The following IBTK variants were observed in gnomAD, a reference collection of about 807,000 sequenced individuals.
IBTK encodes inhibitor of Bruton tyrosine kinase.
In IBTK, 83 loss-of-function variants were observed where a neutral mutation model predicts 154.9. The observed-to-expected ratio is 0.54, with a 90% CI of 0.45 to 0.64. IBTK has a LOEUF of 0.64. IBTK is among the 30% of genes least tolerant of loss of function. The probability of loss-of-function intolerance (pLI) is 0.00; values close to 1 mark genes in which losing one functional copy is unlikely to be tolerated. For synonymous variants in IBTK, 515 were observed against 536.1 expected, an observed-to-expected ratio of 0.96 and a Z score of 0.54; for missense variants, 1,332 against 1,584.6, an observed-to-expected ratio of 0.84 and a Z score of 2.71.
chr6:82,185,666 C>G (rs979404455), intron 25 of IBTK, among the ~76,000 whole-genome samples: 1 of 151,458 alleles, frequency 6.6e-6, no homozygotes, highest in African/African-American at 2.4e-5. Flanking sequence ...GATTAAAAAT[C>G]AAGTGATATA....
At chr6:82,195,182 C>T (rs1768934166) in intron 22 of IBTK, among the ~76,000 whole-genome samples, 2 of 152,054 alleles carry the variant, frequency 1.3e-5, no homozygotes, top group Non-Finnish European at 2.9e-5. Flanking sequence ...GTAAATCACT[C>T]ACAATATACC....
intron 1 of IBTK, among the ~76,000 whole-genome samples, chr6:82,245,876 AAAG>A (rs921875404): frequency 1.3e-5 from 2 of 152,212 alleles, no homozygotes; most frequent in Non-Finnish European, 2.9e-5. Context: ...GGGAAACTAG[AAAG>A]AAGAGTAAGG....
chr6:82,219,956 T>A (rs1770033019), intron 9 of IBTK, among the ~76,000 whole-genome samples: 1 of 152,146 alleles, frequency 6.6e-6, no homozygotes, highest in Admixed American at 6.6e-5. Flanking sequence ...ATGCCTGTAA[T>A]CCCAGTACTT....
chr6:82,225,489 A>G lies in IBTK; in HGVS notation c.813T>C (p.Asn271=). The G allele has an allele frequency of 6.2e-7, 1 of 1,612,974 alleles. No homozygotes were observed. The highest frequency in any genetic ancestry group is 8.5e-7 in the Non-Finnish European group (1 of 1,179,462). The change falls in exon 6 of 29, where the codon AAT becomes AAC. Residue 271 remains asparagine (N), a synonymous_variant. Coordinates refer to ENST00000306270, the MANE Select transcript of IBTK (RefSeq NM_015525.4). ...GAGTAAAGCTTACCTGTCTGGGTAC[A>G]TTACAACTGGAAGGCGGTGGAATAA... ...LGIIPPPSSC[N]VPRQIQAKYL...
intron 22 of IBTK, among the ~76,000 whole-genome samples, chr6:82,195,935 G>A (rs896578598): frequency 2.0e-5 from 3 of 152,152 alleles, no homozygotes; most frequent in Admixed American, 1.3e-4. Flanking sequence ...GCTTATTTTC[G>A]AAATCATTTG....
chr6:82,177,944 C>T (rs1364151616), intron 26 of IBTK, among the ~76,000 whole-genome samples: 3 of 152,164 alleles, frequency 2.0e-5, no homozygotes, highest in African/African-American at 7.2e-5. Flanking sequence ...AAAGGCTGCA[C>T]CTATACATTC....
At chr6:82,181,731 G>A (rs898224643) in intron 26 of IBTK, 148 bp downstream of exon 26, 9 of 572,914 alleles carry the variant, frequency 1.6e-5, no homozygotes, top group Non-Finnish European at 2.3e-5. Flanking sequence ...AGTGGGGAAG[G>A]AATTTAAACA....
rs550814324 is a variant in IBTK, at chr6:82,214,100, C to G, written c.2204+127G>C. 2.4e-5 allele frequency: 20 copies of G among 825,686 alleles called. No homozygotes were observed. The South Asian group carries it at 3.9e-4, about 16-fold the overall frequency. 51.1% of individuals were successfully genotyped at this position (825,686 alleles called of 1,614,324 possible). A position where few individuals can be genotyped will look rare whatever the true frequency, so the allele number is the denominator to read the frequency against. ...CCTCCTGAGTAGCTGGGACTACAGG[C>G]GCCCGCCACCACACCCGGCTAATTT... On this transcript the variant is annotated intron_variant, in intron 12 of 28. Transcript: ENST00000306270.
intron 20 of IBTK, 99 bp downstream of exon 20, chr6:82,200,488 C>A (rs900415737): frequency 1.4e-5 from 16 of 1,118,350 alleles, no homozygotes; most frequent in Non-Finnish European, 1.8e-5. Context: ...CCAATACCAA[C>A]ACAAAAGTGT....
intron 1 of IBTK, among the ~76,000 whole-genome samples, chr6:82,247,025 C>T (rs1771175273): frequency 6.6e-6 from 1 of 152,046 alleles, no homozygotes; most frequent in Non-Finnish European, 1.5e-5. Context: ...CTGCCTGTTA[C>T]AAAAACAAAG....
chr6:82,201,402 T>A lies in IBTK; in HGVS notation c.2790+20A>T. The A allele has an allele frequency of 6.3e-7, 1 of 1,582,182 alleles. No homozygotes were observed. The highest frequency in any genetic ancestry group is 8.6e-7 in the Non-Finnish European group (1 of 1,157,778). On this transcript the variant is annotated intron_variant, in intron 19 of 28. Transcript: ENST00000306270. Reference sequence around the variant, plus strand: ...GCTGGTAATATTATAGCCGCGAAAATCTTAAAACATAAACCTTACCATTTT... The same window carrying A: ...GCTGGTAATATTATAGCCGCGAAAAACTTAAAACATAAACCTTACCATTTT...
chr6:82,206,877 C>A (rs1360568502), intron 16 of IBTK, among the ~76,000 whole-genome samples: 1 of 152,046 alleles, frequency 6.6e-6, no homozygotes, highest in Non-Finnish European at 1.5e-5. Context: ...TGACAAAAAT[C>A]CCACACCCTT....
intron 5 of IBTK, 23 bp downstream of exon 5, chr6:82,227,169 T>C: frequency 6.8e-7 from 1 of 1,475,952 alleles, no homozygotes. Flanking sequence ...GTTACCTAAA[T>C]AGTGTAATGA....
At chr6:82,201,557 A>G in intron 18 of IBTK, 75 bp from the exon 19 acceptor site, 1 of 918,836 alleles carries the variant, frequency 1.1e-6, no homozygotes, top group Non-Finnish European at 1.7e-6. Context: ...ACATACGTAG[A>G]TATTTCATAT....
At chr6:82,183,650 C>T (rs1241295686) in intron 25 of IBTK, among the ~76,000 whole-genome samples, 1 of 151,736 alleles carries the variant, frequency 6.6e-6, no homozygotes, top group African/African-American at 2.4e-5. Flanking sequence ...AATAAAATAT[C>T]CCAGATTAGC....
At chr6:82,193,029 C>A (rs189878221) in intron 23 of IBTK, among the ~76,000 whole-genome samples, 2 of 149,362 alleles carry the variant, frequency 1.3e-5, no homozygotes, top group African/African-American at 4.9e-5. Flanking sequence ...ACCCAGGAGG[C>A]AGAGGTTGCG....
chr6:82,238,384 T>C (rs1770814462), intron 2 of IBTK, among the ~76,000 whole-genome samples: 1 of 152,170 alleles, frequency 6.6e-6, no homozygotes, highest in Admixed American at 6.5e-5. Flanking sequence ...ATTTGCCTAT[T>C]CAATACAACA....
At chr6:82,228,368 T>TA (rs1770372538) in intron 4 of IBTK, among the ~76,000 whole-genome samples, 1 of 152,028 alleles carries the variant, frequency 6.6e-6, no homozygotes, top group African/African-American at 2.4e-5. Flanking sequence ...AGCTATCAAA[T>TA]AAAAAAAGTA....
intron 5 of IBTK, among the ~76,000 whole-genome samples, chr6:82,225,975 A>C (rs1363889681): frequency 2.6e-5 from 4 of 152,230 alleles, no homozygotes; most frequent in African/African-American, 9.6e-5. Flanking sequence ...ACATTGAAAA[A>C]AAAACAAAAA....
Sources: allele counts gnomAD v4.1 joint callset (sites outside exome capture counted in the v4.1 genomes callset), GRCh38; gene constraint gnomAD v4.1.1; transcripts MANE v1.5; gene names NCBI Gene and HGNC (gene_info 2026-07-23, HGNC 2026-07-21).